Variants in OR51E1 observed in about 807,000 individuals in gnomAD.
OR51E1 encodes the protein olfactory receptor family 51 subfamily E member 1.
Under a neutral mutation model 11.5 loss-of-function variants are expected in OR51E1, and 9 were observed. The ratio of observed to expected loss-of-function variants is 0.78; its 90% CI spans 0.47 to 1.37. The LOEUF (loss-of-function observed/expected upper bound fraction) is 1.37. Among genes scored for constraint, OR51E1 ranks in the 40% most tolerant of loss-of-function variants. The pLI is 0.00. For missense variants in OR51E1, 397 were observed against 410.2 expected, an observed-to-expected ratio of 0.97 and a Z score of 0.28; for synonymous variants, 168 against 158.3, an observed-to-expected ratio of 1.06 and a Z score of -0.46.
At chr11:4,647,538 C>T (rs1216005892) in intron 1 of OR51E1, among the ~76,000 whole-genome samples, 3 of 151,772 alleles carry the variant, frequency 2.0e-5, no homozygotes, top group African/African-American at 4.8e-5. Flanking sequence ...TGCTTTTTCA[C>T]GGGTCTATGA....
chr11:4,646,506 C>T (rs1171217598), intron 1 of OR51E1, among the ~76,000 whole-genome samples: 1 of 152,150 alleles, frequency 6.6e-6, no homozygotes, highest in African/African-American at 2.4e-5. Context: ...TCTAACTAAC[C>T]CTCAACATCC....
In OR51E1 at chr11:4,652,579, T is replaced by C; in HGVS notation, c.53T>C (p.Ile18Thr). ...NESSATYFIL[I>T]GLPGLEEAQF... ...TCCAGTGCTACATACTTCATCCTAA[T>C]AGGCCTCCCTGGTTTAGAAGAGGCT... Residue 18 changes from isoleucine (I) to threonine (T), a missense_variant, in exon 2 of 2, where the codon ATA (isoleucine) becomes ACA (threonine). Ile to Thr is a moderately conservative substitution (Grantham distance 89). Transcript: ENST00000396952. 6.2e-7 allele frequency: 1 copy of C among 1,614,168 alleles called. No individual in the cohort carries two copies. The highest frequency in any genetic ancestry group is 8.5e-7 in the Non-Finnish European group (1 of 1,179,992).
intron 1 of OR51E1, among the ~76,000 whole-genome samples, chr11:4,644,381 G>A (rs1847002835): frequency 6.6e-6 from 1 of 152,190 alleles, no homozygotes; most frequent in African/African-American, 2.4e-5. Flanking sequence ...TTGGGGTTGG[G>A]TCGGGGTTTG....
At position 4,652,662 on chromosome 11, in the gene OR51E1, T is replaced by C. The variant is rs754714866; in HGVS notation, c.136T>C (p.Leu46=). Residue 46 remains leucine (L), a synonymous_variant, in exon 2 of 2, where the codon TTG becomes CTG. Transcript: ENST00000396952. The part of the protein sequence containing the change: ...SLYLIAVLGN[L]TIIYIVRTEH... The stretch of plus-strand genomic sequence containing the variant: ...CTACCTTATTGCTGTGCTAGGTAAC[T>C]TGACAATCATCTACATTGTGCGGAC... 2 of 1,614,188 alleles carry C rather than the reference T, an allele frequency of 1.2e-6. No individual in the cohort carries two copies. The highest frequency in any genetic ancestry group is 1.1e-5 in the South Asian group (1 of 91,086).
At position 4,653,431 on chromosome 11, in the gene OR51E1, G is replaced by A. The variant is rs200258520; in HGVS notation, c.905G>A (p.Arg302Gln). Residue 302 changes from arginine to glutamine, a missense_variant, in exon 2 of 2, where the codon CGA becomes CAA. Coordinates refer to ENST00000396952, the MANE Select transcript of OR51E1 (RefSeq NM_152430.4). ...IVYGVKTKEI[R>Q]QRILRLFHVA... ...TATGGAGTGAAGACAAAGGAGATTC[G>A]ACAGCGCATCCTTCGACTTTTCCAT... 7.4e-5 allele frequency: 120 copies of A among 1,613,914 alleles called. No homozygotes were observed. The highest frequency in any genetic ancestry group is 8.6e-5 in the Non-Finnish European group (101 of 1,179,946).
At chr11:4,649,314 C>T (rs1279841184) in intron 1 of OR51E1, among the ~76,000 whole-genome samples, 1 of 152,006 alleles carries the variant, frequency 6.6e-6, no homozygotes, top group South Asian at 2.1e-4. Flanking sequence ...AGGAGAGAGA[C>T]AGTAAGCCAG....
Position 4,652,785 on chromosome 11 carries a change from A to G in OR51E1, c.259A>G (p.Ile87Val), listed in dbSNP as rs778809434. 15 of 1,614,052 alleles carry G rather than the reference A, an allele frequency of 9.3e-6. No homozygotes were observed. The South Asian group carries it at 1.5e-4, about 17-fold the overall frequency. ...STSSMPKMLA[I>V]FWFNSTTIQF... The stretch of plus-strand genomic sequence containing the variant: ...CTCATCCATGCCCAAAATGCTGGCC[A>G]TCTTCTGGTTCAATTCCACTACCAT... The change falls in exon 2 of 2, where the codon ATC becomes GTC. Residue 87 changes from isoleucine to valine, a missense_variant. By Grantham distance (29) the Ile-to-Val change is conservative. Coordinates refer to ENST00000396952, the MANE Select transcript of OR51E1 (RefSeq NM_152430.4).
At chr11:4,646,848 G>C (rs1479781265) in intron 1 of OR51E1, among the ~76,000 whole-genome samples, 2 of 152,180 alleles carry the variant, frequency 1.3e-5, no homozygotes, top group East Asian at 1.9e-4. Context: ...CCTAGAATGA[G>C]GGAAAGTGTA....
chr11:4,648,860 A>G (rs559936544), intron 1 of OR51E1, among the ~76,000 whole-genome samples: 24 of 152,190 alleles, frequency 1.6e-4, no homozygotes, highest in African/African-American at 5.1e-4. Context: ...GTTTTTTTTA[A>G]TACATATTTC....
intron 1 of OR51E1, among the ~76,000 whole-genome samples, chr11:4,646,603 C>T (rs2133223754): frequency 6.6e-6 from 1 of 152,252 alleles, no homozygotes; most frequent in South Asian, 2.1e-4. Context: ...TGGTAGAGGA[C>T]AAGCCTTTTA....
rs1317788979 is a variant in OR51E1 at position 4,652,879 on chromosome 11, T to C, written c.353T>C (p.Leu118Pro). 1.2e-6 allele frequency: 2 copies of C among 1,613,612 alleles called. No individual in the cohort carries two copies. Among genetic ancestry groups the C allele is most frequent in the African/African-American group, 2.7e-5 (2 of 74,928 alleles). ...HSLSGMESTV[L>P]LAMAFDRYVA... is the part of the protein sequence containing the mutation. ...TTATCTGGCATGGAATCCACAGTGC[T>C]GCTGGCCATGGCTTTTGACCGCTAT... is the stretch of plus-strand genomic sequence containing the variant. Residue 118 changes from leucine to proline, a missense_variant, in exon 2 of 2, where the codon CTG becomes CCG. Leu to Pro is a moderately conservative substitution (Grantham distance 98). Coordinates refer to ENST00000396952, the MANE Select transcript of OR51E1 (RefSeq NM_152430.4).
At chr11:4,644,858 T>C (rs1171002230) in intron 1 of OR51E1, among the ~76,000 whole-genome samples, 1 of 152,144 alleles carries the variant, frequency 6.6e-6, no homozygotes, top group Non-Finnish European at 1.5e-5. Context: ...GTCCTTGCCT[T>C]CCTCCCGCCT....
intron 1 of OR51E1, among the ~76,000 whole-genome samples, chr11:4,645,683 G>A (rs1564875897): frequency 6.6e-6 from 1 of 152,146 alleles, no homozygotes; most frequent in East Asian, 1.9e-4. Context: ...GTAACTAGGT[G>A]CAGCTTTGCA....
In OR51E1 at chr11:4,653,062, A is replaced by G; in HGVS notation, c.536A>G (p.His179Arg). ...TTCTGCCGCTCCAATATCCTTTCCC[A>G]TTCCTACTGCCTACACCAAGATGTC... Reference protein sequence around the residue: ...LPFCRSNILSHSYCLHQDVMK... With the variant: ...LPFCRSNILSRSYCLHQDVMK... Residue 179 changes from histidine (H) to arginine (R), a missense_variant, in exon 2 of 2, where the codon CAT becomes CGT. His to Arg is a conservative substitution (Grantham distance 29, BLOSUM62 0). Transcript: ENST00000396952. The G allele has an allele frequency of 4.3e-6, 7 of 1,613,798 alleles. No individual in the cohort carries two copies. Among genetic ancestry groups the G allele is most frequent in the Non-Finnish European group, 5.9e-6 (7 of 1,179,876 alleles).
chr11:4,647,722 A>G (rs1431091457), intron 1 of OR51E1, among the ~76,000 whole-genome samples: 1 of 152,184 alleles, frequency 6.6e-6, no homozygotes, highest in Non-Finnish European at 1.5e-5. Context: ...GAAAAGGTTA[A>G]GATGTCCTTC....
Position 4,655,168 on chromosome 11 carries a change from C to G in OR51E1, c.*1685C>G, listed in dbSNP as rs1055262. ...TTTCATCAAACCTGATTCCTTCTGT[C>G]CTGAACACATAGCCAGGCAATTTTC... On this transcript the variant is annotated 3_prime_UTR_variant, in exon 2 of 2. Coordinates refer to ENST00000396952, the MANE Select transcript of OR51E1 (RefSeq NM_152430.4). 0.3 allele frequency: 49,994 copies of G among 166,964 alleles called. 7,837 individuals are homozygous for G. The highest frequency in any genetic ancestry group is 0.33 in the Non-Finnish European group (22,334 of 68,088). 10.3% of individuals were successfully genotyped at this position (166,964 alleles called of 1,614,324 possible). A position where few individuals can be genotyped will look rare whatever the true frequency, so the allele number is the denominator to read the frequency against.
At chr11:4,647,466 C>G (rs1269258832) in intron 1 of OR51E1, among the ~76,000 whole-genome samples, 1 of 152,080 alleles carries the variant, frequency 6.6e-6, no homozygotes, top group Non-Finnish European at 1.5e-5. Context: ...CACTTGGGCC[C>G]TCTGGCTGGC....
chr11:4,653,186 A>G lies in OR51E1; in HGVS notation c.660A>G (p.Ser220=), dbSNP rs1847125801. Residue 220 remains serine (S), a synonymous_variant, in exon 2 of 2, where the codon TCA becomes TCG. Transcript: ENST00000396952. ...IGLDSLLISF[S]YLLILKTVLG... Reference sequence around the variant, plus strand: ...TGGACTCACTTCTCATCTCCTTCTCATATCTGCTTATTCTTAAGACTGTGT... The same window carrying G: ...TGGACTCACTTCTCATCTCCTTCTCGTATCTGCTTATTCTTAAGACTGTGT... 1 of 1,613,792 alleles carries G rather than the reference A, an allele frequency of 6.2e-7. No individual in the cohort carries two copies. The highest frequency in any genetic ancestry group is 1.3e-5 in the African/African-American group (1 of 74,796).
At chr11:4,645,785 T>A (rs150056403) in intron 1 of OR51E1, among the ~76,000 whole-genome samples, 2 of 152,104 alleles carry the variant, frequency 1.3e-5, no homozygotes, top group East Asian at 3.9e-4. Flanking sequence ...TTTTAGGTGG[T>A]CAGGCTGACT....
Sources: gnomAD v4.1 joint callset for allele counts (sites outside exome capture counted in the v4.1 genomes callset) on GRCh38, gnomAD v4.1.1 for gene constraint, MANE v1.5 for transcripts, NCBI Gene and HGNC (gene_info 2026-07-23, HGNC 2026-07-21) for gene names.